AK5: variants seen among roughly 807,000 people sequenced by gnomAD.
AK5 encodes the protein adenylate kinase isoenzyme 5.
AK5 carries 27 observed loss-of-function variants against 69.5 expected under a neutral mutation model. The observed-to-expected ratio is 0.39, with a 90% CI of 0.29 to 0.54. The LOEUF (loss-of-function observed/expected upper bound fraction) is 0.54. Among genes scored for constraint, AK5 ranks in the 20% least tolerant of loss-of-function variants. The pLI, the probability that AK5 is intolerant of heterozygous loss-of-function variation, is 0.71. For missense variants in AK5, 531 were observed against 700.4 expected, an observed-to-expected ratio of 0.76 and a Z score of 2.73; for synonymous variants, 260 against 244.4, an observed-to-expected ratio of 1.06 and a Z score of -0.60.
At chr1:77,405,455 G>A (rs3844166) in intron 6 of AK5, among the ~76,000 whole-genome samples, 12,845 of 152,204 alleles carry the variant, frequency 0.084, 672 homozygotes, top group African/African-American at 0.14. Context: ...GACTGTCACC[G>A]CATATCCTAA....
intron 13 of AK5, among the ~76,000 whole-genome samples, chr1:77,553,704 C>T (rs1223738039): frequency 6.6e-6 from 1 of 152,202 alleles, no homozygotes; most frequent in Non-Finnish European, 1.5e-5. Context: ...CTGATACGAT[C>T]ATGGACAGTG....
chr1:77,473,218 TTTTG>T (rs1279634312), intron 8 of AK5, among the ~76,000 whole-genome samples: 1 of 150,326 alleles, frequency 6.7e-6, no homozygotes, highest in Non-Finnish European at 1.5e-5. Flanking sequence ...TTTTTTGGTG[TTTTG>T]TTTGTTTTGT....
intron 7 of AK5, among the ~76,000 whole-genome samples, chr1:77,411,425 C>A (rs151087106): frequency 1.2e-4 from 19 of 152,272 alleles, no homozygotes; most frequent in Non-Finnish European, 2.2e-4. Flanking sequence ...CGATAGGTTT[C>A]TACCTCATTG....
At position 77,469,598 on chromosome 1, in the gene AK5, G is replaced by T. The variant is rs531698354; in HGVS notation, c.1060-13719G>T. On this transcript the variant is annotated intron_variant, in intron 8 of 13. Coordinates refer to ENST00000354567, the MANE Select transcript of AK5 (RefSeq NM_174858.3). ...GCAACATAAATAAACAACAGGTTCT[G>T]TATCTCTGTGGAACCCTAACTAATC... 2.0e-5 allele frequency among the ~76,000 whole-genome samples: 3 copies of T among 152,342 alleles called. No homozygotes were observed. In the East Asian group the frequency reaches 5.8e-4, roughly 29 times the overall value.
In AK5 at chr1:77,558,659, T is replaced by G. The variant is rs780573012; in HGVS notation, c.1678T>G (p.Ser560Ala). The G allele has an allele frequency of 1.3e-6, 2 of 1,527,462 alleles. No individual in the cohort carries two copies. The highest frequency in any genetic ancestry group is 3.0e-5 in the African/African-American group (2 of 66,530). 94.6% of individuals were successfully genotyped at this position (1,527,462 alleles called of 1,614,324 possible). The stretch of plus-strand genomic sequence containing the variant: ...TCTTCAACTCTGCACAGCTATTGAC[T>G]CTATTTTCTGAAGGCAAAAATGCAT... ...VFLQLCTAID[S>A]IF Residue 560 changes from serine to alanine, a missense_variant, in exon 14 of 14, where the codon TCT (serine) becomes GCT (alanine). Transcript: ENST00000354567.
intron 5 of AK5, chr1:77,314,256 G>C: frequency 1.4e-5 from 3 of 210,806 alleles, no homozygotes; most frequent in Non-Finnish European, 2.9e-5. Flanking sequence ...TTTGAACCAG[G>C]CTAAGCAGGT....
intron 1 of AK5, chr1:77,282,670 G>A (rs1191272969): frequency 8.6e-7 from 1 of 1,160,782 alleles, no homozygotes; most frequent in Admixed American, 4.9e-5. Flanking sequence ...ACCCAGGGTG[G>A]GCTGCAGACC....
chr1:77,441,781 G>A (rs1224245445), intron 8 of AK5, among the ~76,000 whole-genome samples: 1 of 152,196 alleles, frequency 6.6e-6, no homozygotes, highest in Non-Finnish European at 1.5e-5. Flanking sequence ...TGGTCACAGA[G>A]GCAGGTGCCC....
At chr1:77,282,611 G>A in intron 1 of AK5, 1 of 1,296,402 alleles carries the variant, frequency 7.7e-7, no homozygotes, top group Non-Finnish European at 9.8e-7. Flanking sequence ...CAGTCTTCCA[G>A]CAGGGTTCTG....
chr1:77,507,132 T>C (rs568238773), intron 10 of AK5, among the ~76,000 whole-genome samples: 3 of 152,376 alleles, frequency 2.0e-5, no homozygotes, highest in Admixed American at 1.3e-4. Context: ...CTAAGTCTCA[T>C]GCAGGATTTG....
chr1:77,367,088 C>T (rs961642843), intron 6 of AK5, among the ~76,000 whole-genome samples: 1 of 151,966 alleles, frequency 6.6e-6, no homozygotes, highest in Non-Finnish European at 1.5e-5. Context: ...AAAGGAGGCT[C>T]TTTATTTCTT....
chr1:77,553,799 G>A (rs1570358601), intron 13 of AK5, among the ~76,000 whole-genome samples: 1 of 152,298 alleles, frequency 6.6e-6, no homozygotes, highest in Admixed American at 6.5e-5. Flanking sequence ...GGGCGGGAAT[G>A]TGAGTTAGCA....
intron 6 of AK5, among the ~76,000 whole-genome samples, chr1:77,395,629 C>T (rs1648776970): frequency 6.6e-6 from 1 of 152,166 alleles, no homozygotes. Context: ...GAAGCTGCAT[C>T]TTTGCAGAAC....
intron 8 of AK5, among the ~76,000 whole-genome samples, chr1:77,445,876 C>G (rs867844832): frequency 6.6e-6 from 1 of 152,162 alleles, no homozygotes; most frequent in Non-Finnish European, 1.5e-5. Flanking sequence ...TGAGCCACCA[C>G]GCCTGGTCAG....
At chr1:77,475,934 G>A (rs570758775) in intron 8 of AK5, among the ~76,000 whole-genome samples, 1 of 151,936 alleles carries the variant, frequency 6.6e-6, no homozygotes, top group South Asian at 2.1e-4. Context: ...TATTTGAGAT[G>A]ATGAAAAAAG....
At chr1:77,300,891 AT>A (rs1002194289) in intron 5 of AK5, among the ~76,000 whole-genome samples, 7 of 152,026 alleles carry the variant, frequency 4.6e-5, no homozygotes, top group Admixed American at 1.3e-4. Context: ...ATACAACTAT[AT>A]TTTTTTTATT....
chr1:77,367,571 A>ATGT lies in AK5; in HGVS notation c.891+27004_891+27005insGTT, dbSNP rs58146762. The stretch of plus-strand genomic sequence containing the variant: ...TTATGTTATTTTTATATATATATAT[A>ATGT]TATATATAATATATATGTTATATAT... On this transcript the variant is annotated intron_variant, in intron 6 of 13. Coordinates refer to ENST00000354567, the MANE Select transcript of AK5 (RefSeq NM_174858.3). Among the ~76,000 whole-genome samples the ATGT allele has an allele frequency of 2.3e-3, 36 of 15,760 alleles. 5 individuals are homozygous for ATGT. Among genetic ancestry groups the ATGT allele is most frequent in the Non-Finnish European group, 3.9e-3 (27 of 7,008 alleles). The allele number at this position is 15,760 out of a possible 152,430, so 10.3% of individuals were successfully genotyped here. A position where few individuals can be genotyped will look rare whatever the true frequency, so the allele number is the denominator to read the frequency against.
At chr1:77,415,740 G>C (rs1218488539) in intron 7 of AK5, among the ~76,000 whole-genome samples, 1 of 152,144 alleles carries the variant, frequency 6.6e-6, no homozygotes, top group Non-Finnish European at 1.5e-5. Context: ...TTCCTGCAGA[G>C]CACTGTAGCG....
At position 77,294,035 on chromosome 1, in the gene AK5, T is replaced by C. The variant is rs1212383968; in HGVS notation, c.415+75T>C. On this transcript the variant is annotated intron_variant, in intron 3 of 13. Coordinates refer to ENST00000354567, the MANE Select transcript of AK5 (RefSeq NM_174858.3). ...TATATTTACATTTCAAAAAAGTAAA[T>C]CATATATGTGCAAATAGTTGGATAA... The C allele has an allele frequency of 3.7e-6, 5 of 1,369,018 alleles. No homozygotes were observed. The African/African-American group carries it at 7.4e-5, about 20-fold the overall frequency. 84.8% of individuals were successfully genotyped at this position (1,369,018 alleles called of 1,614,324 possible). A position where few individuals can be genotyped will look rare whatever the true frequency, so the allele number is the denominator to read the frequency against.
Sources: allele counts gnomAD v4.1 joint callset (sites outside exome capture counted in the v4.1 genomes callset), GRCh38; gene constraint gnomAD v4.1.1; transcripts MANE v1.5; gene names NCBI Gene and HGNC (gene_info 2026-07-23, HGNC 2026-07-21).